THSD7B: variants seen among roughly 807,000 people sequenced by gnomAD.
THSD7B encodes thrombospondin type 1 domain containing 7B.
A neutral mutation model predicts 213.6 loss-of-function variants in THSD7B; 138 were observed. That is an observed-to-expected ratio of 0.65 (90% CI 0.56 to 0.74). The LOEUF is 0.74. Among genes scored for constraint, THSD7B ranks in the 30% least tolerant of loss-of-function variants. THSD7B has a pLI of 0.00. For synonymous variants in THSD7B, 742 were observed against 687.0 expected, an observed-to-expected ratio of 1.08 and a Z score of -1.25; for missense variants, 1,931 against 1,991.5, an observed-to-expected ratio of 0.97 and a Z score of 0.58.
intron 12 of THSD7B, among the ~76,000 whole-genome samples, chr2:137,399,511 A>T (rs948071177): frequency 5.9e-5 from 9 of 151,930 alleles, no homozygotes; most frequent in African/African-American, 2.2e-4. Flanking sequence ...CAGTTTTTAA[A>T]CACCTTCCCA....
intron 20 of THSD7B, among the ~76,000 whole-genome samples, chr2:137,629,935 C>T (rs1054768573): frequency 1.3e-5 from 2 of 152,074 alleles, no homozygotes; most frequent in African/African-American, 4.8e-5. Context: ...CATGTTAAGA[C>T]CTTCAGACAA....
chr2:136,797,297 CT>C (rs1682087649), intron 1 of THSD7B, among the ~76,000 whole-genome samples: 1 of 151,932 alleles, frequency 6.6e-6, no homozygotes, highest in Non-Finnish European at 1.5e-5. Flanking sequence ...TAAATAAACA[CT>C]TTCTCTCACT....
chr2:136,946,607 A>T (rs1684942805), intron 2 of THSD7B, among the ~76,000 whole-genome samples: 1 of 152,044 alleles, frequency 6.6e-6, no homozygotes, highest in Non-Finnish European at 1.5e-5. Flanking sequence ...CTATAGAGGG[A>T]GCAAGCTTTG....
At chr2:136,988,608 C>A (rs1399835367) in intron 2 of THSD7B, among the ~76,000 whole-genome samples, 11 of 152,162 alleles carry the variant, frequency 7.2e-5, no homozygotes, top group Non-Finnish European at 5.9e-5. Flanking sequence ...GAACTTTGTC[C>A]TCACCCTCTG....
At chr2:137,622,937 C>T (rs1291559659) in intron 20 of THSD7B, among the ~76,000 whole-genome samples, 1 of 152,112 alleles carries the variant, frequency 6.6e-6, no homozygotes, top group Non-Finnish European at 1.5e-5. Flanking sequence ...GAAACTATTC[C>T]AATCAATAGA....
Position 137,129,047 on chromosome 2 carries a change from G to A in THSD7B, c.1369+13754G>A, listed in dbSNP as rs185835555. Among the ~76,000 whole-genome samples the A allele has an allele frequency of 5.9e-4, 89 of 151,984 alleles. 1 individual carries two copies. The highest frequency in any genetic ancestry group is 2.0e-3 in the African/African-American group (85 of 41,490). On this transcript the variant is annotated intron_variant, in intron 5 of 27. Transcript: ENST00000409968. ...GGTTCTTACATCTTATATAAGCCAC[G>A]TGGCTTTTTTTCATGACCCTGAAAA...
chr2:137,587,950 C>G (rs559423311), intron 17 of THSD7B, among the ~76,000 whole-genome samples: 5 of 152,232 alleles, frequency 3.3e-5, no homozygotes, highest in Non-Finnish European at 5.9e-5. Context: ...TCTACAAAGG[C>G]AGCAGGCCTC....
At chr2:137,221,803 G>A (rs1681377309) in intron 7 of THSD7B, among the ~76,000 whole-genome samples, 1 of 152,118 alleles carries the variant, frequency 6.6e-6, no homozygotes, top group East Asian at 1.9e-4. Flanking sequence ...TTAGTGATGT[G>A]TTACCAATTT....
chr2:137,379,313 C>G (rs552338455), intron 12 of THSD7B, among the ~76,000 whole-genome samples: 13 of 152,312 alleles, frequency 8.5e-5, no homozygotes, highest in African/African-American at 2.9e-4. Flanking sequence ...TGGGCTCCTG[C>G]AGCCACGCAG....
intron 2 of THSD7B, among the ~76,000 whole-genome samples, chr2:137,041,113 T>C (rs947576177): frequency 1.3e-5 from 2 of 152,242 alleles, no homozygotes; most frequent in Non-Finnish European, 2.9e-5. Context: ...AAAATAAATG[T>C]AAATTCATAT....
intron 2 of THSD7B, among the ~76,000 whole-genome samples, chr2:137,001,871 T>A (rs910659670): frequency 7.9e-5 from 12 of 152,196 alleles, no homozygotes; most frequent in Non-Finnish European, 1.8e-4. Context: ...TCACTTTCTC[T>A]GTTCTTTTTT....
intron 12 of THSD7B, among the ~76,000 whole-genome samples, chr2:137,389,545 C>T (rs1395029963): frequency 6.9e-6 from 1 of 145,450 alleles, no homozygotes; most frequent in Admixed American, 7.2e-5. Flanking sequence ...TGATTGTTTT[C>T]TTTGCTGTGC....
At chr2:137,289,810 G>C (rs1186927609) in intron 12 of THSD7B, among the ~76,000 whole-genome samples, 1 of 152,010 alleles carries the variant, frequency 6.6e-6, no homozygotes, top group African/African-American at 2.4e-5. Context: ...GAAAAAAAAA[G>C]AGTGGGGTAA....
intron 15 of THSD7B, among the ~76,000 whole-genome samples, chr2:137,536,673 A>AT (rs914239273): frequency 6.6e-6 from 1 of 151,548 alleles, no homozygotes; most frequent in African/African-American, 2.4e-5. Flanking sequence ...TAATAACAAG[A>AT]TTTAAAAAAA....
chr2:137,571,046 T>A (rs1230036355), intron 16 of THSD7B, among the ~76,000 whole-genome samples: 1 of 152,208 alleles, frequency 6.6e-6, no homozygotes, highest in African/African-American at 2.4e-5. Context: ...TTTAACAATG[T>A]GAACACAACT....
chr2:137,264,067 A>G (rs1432468598), intron 10 of THSD7B, among the ~76,000 whole-genome samples: 1 of 152,184 alleles, frequency 6.6e-6, no homozygotes, highest in Non-Finnish European at 1.5e-5. Flanking sequence ...TAACACCAGC[A>G]CCTAGGTGAG....
At chr2:137,638,734 A>C (rs895200510) in intron 20 of THSD7B, among the ~76,000 whole-genome samples, 1 of 152,208 alleles carries the variant, frequency 6.6e-6, no homozygotes, top group Non-Finnish European at 1.5e-5. Flanking sequence ...AGGTGGTCTC[A>C]GATGGAGATG....
chr2:137,574,364 C>T (rs1681416729), intron 17 of THSD7B, among the ~76,000 whole-genome samples: 1 of 152,054 alleles, frequency 6.6e-6, no homozygotes, highest in African/African-American at 2.4e-5. Flanking sequence ...AACCTCCTTT[C>T]ATGTGTCAGA....
chr2:137,256,174 T>TGTTG (rs2105077885), intron 10 of THSD7B, among the ~76,000 whole-genome samples: 1 of 152,324 alleles, frequency 6.6e-6, no homozygotes, highest in East Asian at 1.9e-4. Flanking sequence ...CCTAAATATT[T>TGTTG]GTTGAATGAA....
Sources: gnomAD v4.1 joint callset for allele counts (sites outside exome capture counted in the v4.1 genomes callset) on GRCh38, gnomAD v4.1.1 for gene constraint, MANE v1.5 for transcripts, NCBI Gene and HGNC (gene_info 2026-07-23, HGNC 2026-07-21) for gene names.